The following NDUFC1 variants were observed in gnomAD, a reference collection of about 807,000 sequenced individuals.
NDUFC1 encodes the protein NADH:ubiquinone oxidoreductase subunit C1.
A neutral mutation model predicts 11.6 loss-of-function variants in NDUFC1; 11 were observed. That is an observed-to-expected ratio of 0.95 (90% CI 0.60 to 1.58). NDUFC1 has a LOEUF of 1.58. Among genes scored for constraint, NDUFC1 ranks in the 40% most tolerant of loss-of-function variants. NDUFC1 has a pLI of 0.00. For synonymous variants in NDUFC1, 52 were observed against 42.2 expected, an observed-to-expected ratio of 1.23 and a Z score of -0.90; for missense variants, 112 against 93.0, an observed-to-expected ratio of 1.20 and a Z score of -0.84.
At position 139,301,519 on chromosome 4, in the gene NDUFC1, G is replaced by A. The variant is rs1287627076; in HGVS notation, c.-222+897C>T. The A allele has an allele frequency of 1.0e-5, 5 of 497,730 alleles. No homozygotes were observed. In the East Asian group the frequency reaches 1.0e-4, roughly 10 times the overall value. The allele number at this position is 497,730 out of a possible 1,614,324, so 30.8% of individuals were successfully genotyped here. On this transcript the variant is annotated intron_variant, in intron 1 of 5. Transcript: ENST00000394223. The stretch of plus-strand genomic sequence containing the variant: ...TCCGCCATTTTGGCTGCCTCTGTCG[G>A]TCTGTTCAGTTACCACGTGAACCGC...
At chr4:139,297,636 C>G (rs1184479371) in intron 1 of NDUFC1, among the ~76,000 whole-genome samples, 193 bp from the exon 2 acceptor site, 2 of 151,980 alleles carry the variant, frequency 1.3e-5, no homozygotes, top group African/African-American at 2.4e-5. Context: ...AAGATTTTTC[C>G]ACTGGGAAAA....
chr4:139,292,658 C>G (rs1745280835), intron 4 of NDUFC1, 49 bp from the exon 5 acceptor site: 1 of 1,188,162 alleles, frequency 8.4e-7, no homozygotes, highest in Non-Finnish European at 1.2e-6. Context: ...TTCCTGGATA[C>G]TTATATTTTG....
chr4:139,290,369 T>C (rs1413091480), intron 5 of NDUFC1, among the ~76,000 whole-genome samples: 1 of 144,090 alleles, frequency 6.9e-6, no homozygotes, highest in Non-Finnish European at 1.5e-5. Context: ...TTGCCCAAAC[T>C]CCTGGGCATA....
At chr4:139,300,982 C>CA (rs1170346730) in intron 1 of NDUFC1, 4 of 152,312 alleles carry the variant, frequency 2.6e-5, no homozygotes, top group African/African-American at 9.7e-5. Context: ...CAGCCAGGCC[C>CA]ATTTCATCGG....
intron 5 of NDUFC1, among the ~76,000 whole-genome samples, chr4:139,291,985 C>T (rs569139798): frequency 2.6e-5 from 4 of 151,918 alleles, no homozygotes; most frequent in South Asian, 2.1e-4. Flanking sequence ...TACAGGCGCC[C>T]GCCACAACAC....
intron 1 of NDUFC1, chr4:139,301,828 C>A: frequency 6.3e-7 from 1 of 1,593,524 alleles, no homozygotes; most frequent in Non-Finnish European, 8.5e-7. Context: ...TCAAGCGGAT[C>A]TTGGTAAGTG....
rs575988616 is a variant in NDUFC1 at position 139,293,289 on chromosome 4, T to C, written c.172-680A>G. On this transcript the variant is annotated intron_variant, in intron 4 of 5. Transcript: ENST00000394223. ...CGTGTTATGCTTCTAATCTTAGAAG[T>C]AGGATACCTTGATTGAATGACCAAC... is the stretch of plus-strand genomic sequence containing the variant. Among the ~76,000 whole-genome samples, 111 of 152,270 alleles carry C rather than the reference T, an allele frequency of 7.3e-4. 2 individuals carry two copies. The South Asian group carries it at 0.019, about 26-fold the overall frequency.
intron 1 of NDUFC1, chr4:139,300,730 A>G (rs993455307): frequency 6.6e-6 from 1 of 152,162 alleles, no homozygotes; most frequent in Non-Finnish European, 1.5e-5. Context: ...TCGAGTCACA[A>G]TATTAAGAAC....
At position 139,295,080 on chromosome 4, in the gene NDUFC1, C is replaced by A; in HGVS notation, c.134G>T (p.Gly45Val). The change falls in exon 4 of 6, where the codon GGG becomes GTG. Residue 45 changes from glycine (G) to valine (V), a missense_variant. Physicochemically the swap from Gly to Val is moderately radical, Grantham distance 109. Coordinates refer to ENST00000394223, the MANE Select transcript of NDUFC1 (RefSeq NM_001184989.2). ...PNAKPDWLKV[G>V]FTLGTTVFLW... ...GAAGACAGTGGTGCCCAAGGTGAACCCAACTTTCAGCCAGTCAGGTTTGGC... is the reference window on the plus strand; with the variant it reads ...GAAGACAGTGGTGCCCAAGGTGAACACAACTTTCAGCCAGTCAGGTTTGGC... 1 of 1,614,174 alleles carries A rather than the reference C, an allele frequency of 6.2e-7. No individual in the cohort carries two copies. Among genetic ancestry groups the A allele is most frequent in the South Asian group, 1.1e-5 (1 of 91,078 alleles).
At chr4:139,292,945 T>C (rs996109305) in intron 4 of NDUFC1, among the ~76,000 whole-genome samples, 12 of 152,074 alleles carry the variant, frequency 7.9e-5, no homozygotes, top group African/African-American at 2.7e-4. Flanking sequence ...CTCAACCTCC[T>C]GAATAGCTGG....
chr4:139,292,335 C>A (rs1169263407), intron 5 of NDUFC1, among the ~76,000 whole-genome samples, 195 bp downstream of exon 5: 1 of 147,486 alleles, frequency 6.8e-6, no homozygotes, highest in Admixed American at 6.8e-5. Context: ...ACAAAAAAAA[C>A]CCCATCCCCC....
intron 5 of NDUFC1, among the ~76,000 whole-genome samples, chr4:139,290,862 C>T (rs1407073057): frequency 6.6e-6 from 1 of 151,536 alleles, no homozygotes. Flanking sequence ...GTGCAGTAGC[C>T]CAATATTGGC....
chr4:139,295,579 G>C (rs992409687), intron 3 of NDUFC1, among the ~76,000 whole-genome samples, 153 bp downstream of exon 3: 4 of 152,224 alleles, frequency 2.6e-5, no homozygotes, highest in Admixed American at 1.3e-4. Context: ...CCCTGCGTAG[G>C]GGACAGGCGT....
At chr4:139,293,155 C>A (rs1320623434) in intron 4 of NDUFC1, among the ~76,000 whole-genome samples, 1 of 152,082 alleles carries the variant, frequency 6.6e-6, no homozygotes, top group Non-Finnish European at 1.5e-5. Flanking sequence ...AAAATTTTAC[C>A]TCATTTGGTG....
intron 1 of NDUFC1, chr4:139,302,000 A>G (rs926203106): frequency 5.1e-5 from 33 of 644,774 alleles, no homozygotes; most frequent in Non-Finnish European, 7.2e-5. Flanking sequence ...GGTTCCTACT[A>G]TGGCCCGCGC....
chr4:139,301,594 GA>G, intron 1 of NDUFC1: 2 of 654,802 alleles, frequency 3.1e-6, no homozygotes, highest in Admixed American at 3.0e-5. Context: ...AGTGAGAAAG[GA>G]AAAAAGACAA....
At chr4:139,298,455 A>G (rs920810342) in intron 1 of NDUFC1, among the ~76,000 whole-genome samples, 1 of 150,854 alleles carries the variant, frequency 6.6e-6, no homozygotes, top group Admixed American at 6.6e-5. Flanking sequence ...AAAAAAAAAA[A>G]AAAAGATTCA....
intron 4 of NDUFC1, among the ~76,000 whole-genome samples, chr4:139,293,338 T>C (rs2110762795): frequency 6.6e-6 from 1 of 152,254 alleles, no homozygotes; most frequent in South Asian, 2.1e-4. Flanking sequence ...TGTATGTGTA[T>C]TAATTAGATG....
chr4:139,291,763 T>C (rs1745227543), intron 5 of NDUFC1, among the ~76,000 whole-genome samples: 2 of 151,860 alleles, frequency 1.3e-5, no homozygotes, highest in Non-Finnish European at 2.9e-5. Context: ...CGAAGAATAA[T>C]AATTTGTCAT....
Sources: gnomAD v4.1 joint callset for allele counts (sites outside exome capture counted in the v4.1 genomes callset) on GRCh38, gnomAD v4.1.1 for gene constraint, MANE v1.5 for transcripts, NCBI Gene and HGNC (gene_info 2026-07-23, HGNC 2026-07-21) for gene names.